The following ZSCAN25 variants were observed in gnomAD, a reference collection of about 807,000 sequenced individuals.
The protein encoded by ZSCAN25 is zinc finger and SCAN domain-containing protein 25.
ZSCAN25 carries 27 observed loss-of-function variants against 38.7 expected under a neutral mutation model. The observed-to-expected ratio is 0.70, with a 90% CI of 0.51 to 0.96. The LOEUF is 0.96. ZSCAN25 is among the 40% of genes least tolerant of loss of function. ZSCAN25 has a pLI of 0.00. For synonymous variants in ZSCAN25, 273 were observed against 277.7 expected, an observed-to-expected ratio of 0.98 and a Z score of 0.17; for missense variants, 637 against 705.9, an observed-to-expected ratio of 0.90 and a Z score of 1.11.
At chr7:99,731,024 A>T in the ZSCAN25 span, 13 of 1,611,470 alleles carry the variant, frequency 8.1e-6, no homozygotes, top group East Asian at 2.2e-5. Flanking sequence ...CTTTGCAATC[A>T]TAAGAAGCAA....
chr7:99,690,397 A>C, the ZSCAN25 span, among the ~76,000 whole-genome samples: 1 of 152,242 alleles, frequency 6.6e-6, no homozygotes, highest in African/African-American at 2.4e-5. Context: ...CAAGGACTTC[A>C]TGTCTAAAAC....
chr7:99,707,240 G>A, the ZSCAN25 span, among the ~76,000 whole-genome samples: 5 of 152,162 alleles, frequency 3.3e-5, no homozygotes, highest in South Asian at 4.1e-4. Flanking sequence ...GTAGTCCTTC[G>A]TATCCAATAG....
the ZSCAN25 span, among the ~76,000 whole-genome samples, chr7:99,733,937 A>G: frequency 1.3e-5 from 2 of 152,192 alleles, no homozygotes; most frequent in African/African-American, 2.4e-5. Flanking sequence ...AGAGATATAT[A>G]TTTGTACATT....
chr7:99,698,778 G>A, the ZSCAN25 span, among the ~76,000 whole-genome samples: 1 of 151,934 alleles, frequency 6.6e-6, no homozygotes, highest in African/African-American at 2.4e-5. Context: ...GGAACATGCT[G>A]GAAATATTCC....
At chr7:99,668,538 T>C in the ZSCAN25 span, among the ~76,000 whole-genome samples, 1 of 152,190 alleles carries the variant, frequency 6.6e-6, no homozygotes, top group South Asian at 2.1e-4. Context: ...GTGAACTTCG[T>C]AGACAACAAT....
chr7:99,652,852 T>C, the ZSCAN25 span: 103,737 of 1,134,506 alleles, frequency 0.091, 5,601 homozygotes, highest in Non-Finnish European at 0.1. Flanking sequence ...TGCAGTACTA[T>C]TGAAGTATTA....
At chr7:99,716,163 C>G in the ZSCAN25 span, among the ~76,000 whole-genome samples, 6 of 152,292 alleles carry the variant, frequency 3.9e-5, no homozygotes, top group African/African-American at 1.4e-4. Flanking sequence ...GGAGCCTAGT[C>G]ATAGAAAGAC....
At chr7:99,677,638 T>A in the ZSCAN25 span, among the ~76,000 whole-genome samples, 1 of 152,198 alleles carries the variant, frequency 6.6e-6, no homozygotes, top group Non-Finnish European at 1.5e-5. Flanking sequence ...AGGGCAGGGT[T>A]TGGAGGACTC....
At chr7:99,694,834 A>G in the ZSCAN25 span, among the ~76,000 whole-genome samples, 1 of 152,216 alleles carries the variant, frequency 6.6e-6, no homozygotes, top group Non-Finnish European at 1.5e-5. Context: ...GGCCCTAGAC[A>G]GAGCATCAGA....
At chr7:99,714,577 C>A in the ZSCAN25 span, 11 of 1,612,910 alleles carry the variant, frequency 6.8e-6, 1 homozygote, top group South Asian at 1.1e-4. Context: ...TTTGAGGCGA[C>A]CTTCTTTTAT....
At chr7:99,692,487 T>C in the ZSCAN25 span, among the ~76,000 whole-genome samples, 2 of 152,162 alleles carry the variant, frequency 1.3e-5, no homozygotes, top group Admixed American at 6.5e-5. Context: ...TCCTGAAGAG[T>C]GTTTTCTGAC....
the ZSCAN25 span, chr7:99,638,685 T>C: frequency 2.0e-6 from 3 of 1,524,736 alleles, no homozygotes; most frequent in South Asian, 2.2e-5. Flanking sequence ...ACAGGATTGT[T>C]GTCTTGCCGG....
chr7:99,719,826 C>T, the ZSCAN25 span, among the ~76,000 whole-genome samples: 5 of 152,052 alleles, frequency 3.3e-5, no homozygotes, highest in Non-Finnish European at 7.4e-5. Flanking sequence ...GGTGAAACCT[C>T]GTCTCTACTA....
the ZSCAN25 span, among the ~76,000 whole-genome samples, chr7:99,640,327 T>G: frequency 6.6e-6 from 1 of 152,132 alleles, no homozygotes; most frequent in Non-Finnish European, 1.5e-5. Flanking sequence ...TGGCTAATTT[T>G]TGGTATTTTT....
At chr7:99,663,143 G>C in the ZSCAN25 span, 1 of 1,194,594 alleles carries the variant, frequency 8.4e-7, no homozygotes, top group East Asian at 4.9e-5. Context: ...CATCTTCTCT[G>C]TCTTTTGGAT....
rs1157985072 is a variant in ZSCAN25 at position 99,629,686 on chromosome 7, G to A, written c.1301G>A (p.Gly434Glu). 7 of 1,613,900 alleles carry A rather than the reference G, an allele frequency of 4.3e-6. No homozygotes were observed. The African/African-American group carries it at 6.7e-5, about 15-fold the overall frequency. ...SHTGEKPYKC[G>E]DCWKSFSRRQ... The stretch of plus-strand genomic sequence containing the variant: ...ACTGGGGAGAAGCCCTACAAGTGCG[G>A]GGACTGCTGGAAGAGCTTCAGCCGC... Residue 434 changes from glycine (G) to glutamate (E), a missense_variant, in exon 8 of 8, where the codon GGG becomes GAG. Transcript: ENST00000394152. The surrounding 1 kb of genome is among the most constrained non-coding windows in gnomAD (Gnocchi z 5.6).
At chr7:99,691,761 A>G in the ZSCAN25 span, among the ~76,000 whole-genome samples, 1 of 151,988 alleles carries the variant, frequency 6.6e-6, no homozygotes, top group African/African-American at 2.4e-5. Flanking sequence ...ATCTTCCTCC[A>G]TCCTCTTATT....
the ZSCAN25 span, among the ~76,000 whole-genome samples, chr7:99,716,906 A>T: frequency 3.9e-5 from 6 of 152,260 alleles, no homozygotes; most frequent in Admixed American, 2.0e-4. Flanking sequence ...CCCCTAAAGG[A>T]TGTATTTAGT....
chr7:99,735,061 G>A, the ZSCAN25 span: 1 of 1,614,116 alleles, frequency 6.2e-7, no homozygotes, highest in Non-Finnish European at 8.5e-7. Context: ...GGAGAAGCCA[G>A]GTTTCCACGG....
Sources: gnomAD v4.1 joint callset for allele counts (sites outside exome capture counted in the v4.1 genomes callset) on GRCh38, gnomAD v4.1.1 for gene constraint, Gnocchi (gnomAD v3.1) non-coding constraint, MANE v1.5 for transcripts, NCBI Gene and HGNC (gene_info 2026-07-23, HGNC 2026-07-21) for gene names.